The following TAX1BP1 variants were observed in gnomAD, a reference collection of about 807,000 sequenced individuals.
The protein encoded by TAX1BP1 is Tax1 binding protein 1.
In TAX1BP1, 62 loss-of-function variants were observed where a neutral mutation model predicts 97.7. That is an observed-to-expected ratio of 0.63 (90% CI 0.52 to 0.78). TAX1BP1 has a LOEUF of 0.78. Ranked by LOEUF, TAX1BP1 falls within the 30% of genes least tolerant of loss-of-function variation. TAX1BP1 has a pLI of 0.00. For synonymous variants in TAX1BP1, 340 were observed against 304.2 expected, an observed-to-expected ratio of 1.12 and a Z score of -1.23; for missense variants, 867 against 916.1, an observed-to-expected ratio of 0.95 and a Z score of 0.69.
In TAX1BP1 at chr7:27,819,235, T is replaced by C. The variant is rs549940635; in HGVS notation, c.2085+2197T>C. Among the ~76,000 whole-genome samples the C allele has an allele frequency of 5.9e-5, 9 of 151,516 alleles. No individual in the cohort carries two copies. The South Asian group carries it at 1.9e-3, about 31-fold the overall frequency. On this transcript the variant is annotated intron_variant, in intron 15 of 16. Transcript: ENST00000396319. Reference sequence around the variant, plus strand: ...GTAAGGACTTGCTGACCGTTAAGTATTTGTCTTCTAACAAATTTAGTGACC... The same window carrying C: ...GTAAGGACTTGCTGACCGTTAAGTACTTGTCTTCTAACAAATTTAGTGACC...
At chr7:27,746,050 C>T (rs1787803089) in intron 1 of TAX1BP1, among the ~76,000 whole-genome samples, 1 of 151,964 alleles carries the variant, frequency 6.6e-6, no homozygotes, top group Admixed American at 6.6e-5. Context: ...TTGAGGTTAA[C>T]AGAAGTTGAA....
At chr7:27,791,884 T>A (rs73075307) in intron 8 of TAX1BP1, 122 bp from the exon 9 acceptor site, 75,578 of 811,590 alleles carry the variant, frequency 0.093, 4,413 homozygotes, top group Middle Eastern at 0.13. Context: ...ACTCTGTAAG[T>A]CATGAGTAGA....
intron 1 of TAX1BP1, among the ~76,000 whole-genome samples, chr7:27,743,507 G>A (rs573881052): frequency 1.1e-4 from 17 of 152,274 alleles, no homozygotes; most frequent in African/African-American, 4.1e-4. Context: ...GGTACAAAGC[G>A]TTCATATTCT....
At chr7:27,778,405 G>A (rs942849031) in intron 5 of TAX1BP1, among the ~76,000 whole-genome samples, 2 of 151,928 alleles carry the variant, frequency 1.3e-5, no homozygotes, top group Admixed American at 6.6e-5. Flanking sequence ...TTTATATTAC[G>A]TAGTTTAACA....
chr7:27,818,882 G>T (rs904904339), intron 15 of TAX1BP1, among the ~76,000 whole-genome samples: 3 of 152,174 alleles, frequency 2.0e-5, no homozygotes, highest in African/African-American at 7.2e-5. Context: ...CTTAGCTGCT[G>T]TGGGTAGAGA....
In TAX1BP1 at chr7:27,828,679, C is replaced by T. The variant is rs779689532; in HGVS notation, c.2220C>T (p.Asn740=). The T allele has an allele frequency of 6.2e-7, 1 of 1,614,004 alleles. No individual in the cohort carries two copies. The highest frequency in any genetic ancestry group is 2.2e-5 in the East Asian group (1 of 44,876). ...CPLCELMFPP[N]YDQSKFEEHV... ...TCTGTGAGTTAATGTTTCCTCCTAA[C>T]TATGATCAGAGCAAATTTGAAGAAC... is the stretch of plus-strand genomic sequence containing the variant. Residue 740 remains asparagine, a synonymous_variant, in exon 17 of 17, where the codon AAC becomes AAT. Transcript: ENST00000396319.
intron 13 of TAX1BP1, among the ~76,000 whole-genome samples, chr7:27,808,531 A>C (rs1013009707): frequency 6.6e-6 from 1 of 152,092 alleles, no homozygotes. Context: ...TAGTTGTCCT[A>C]TGGTGTACTC....
At chr7:27,782,984 G>A (rs1176885762) in intron 5 of TAX1BP1, among the ~76,000 whole-genome samples, 2 of 152,066 alleles carry the variant, frequency 1.3e-5, no homozygotes, top group Admixed American at 6.5e-5. Flanking sequence ...TCTTTTTATC[G>A]GGTTATTCAT....
chr7:27,795,822 A>G (rs906426209), intron 11 of TAX1BP1, among the ~76,000 whole-genome samples: 3 of 152,208 alleles, frequency 2.0e-5, no homozygotes, highest in Admixed American at 2.0e-4. Flanking sequence ...AAGTGCTGGG[A>G]TTACAGGCAT....
chr7:27,765,304 G>GCC (rs1424449770), intron 3 of TAX1BP1, among the ~76,000 whole-genome samples: 2 of 151,904 alleles, frequency 1.3e-5, no homozygotes, highest in Admixed American at 1.3e-4. Context: ...ACAGGCATGA[G>GCC]CCACCGCACT....
chr7:27,803,088 G>T (rs1302558752), intron 13 of TAX1BP1: 3 of 1,535,742 alleles, frequency 2.0e-6, no homozygotes, highest in Middle Eastern at 1.7e-4. Flanking sequence ...AAAAAATAAA[G>T]AAATTTCTTT....
In TAX1BP1 at chr7:27,758,049, C is replaced by T. The variant is rs778743083; in HGVS notation, c.181C>T (p.Arg61Cys). 7.3e-5 allele frequency: 118 copies of T among 1,610,840 alleles called. No homozygotes were observed. The highest frequency in any genetic ancestry group is 8.8e-5 in the Non-Finnish European group (104 of 1,178,602). ...CCTTTAGGTTGGATGGAGTACTGCT[C>T]GTGATTATTACACGTTTTTATGGTC... Reference protein sequence around the residue: ...GIFKVGWSTARDYYTFLWSPM... With the variant: ...GIFKVGWSTACDYYTFLWSPM... Residue 61 changes from arginine (R) to cysteine (C), a missense_variant, in exon 3 of 17, where the codon CGT becomes TGT. Arg to Cys is a radical substitution (Grantham distance 180). Around this residue, in one of 3 missense-constraint regions of TAX1BP1, gnomAD observed 822 missense variants for 851.4 expected, o/e 0.97. Coordinates refer to ENST00000396319, the MANE Select transcript of TAX1BP1 (RefSeq NM_006024.7).
intron 4 of TAX1BP1, 74 bp from the exon 5 acceptor site, chr7:27,769,602 G>T: frequency 1.6e-6 from 2 of 1,272,128 alleles, no homozygotes; most frequent in South Asian, 1.5e-5. Context: ...TTTTGGAAAT[G>T]GAAAACTAAA....
chr7:27,746,278 T>C (rs2128306650), intron 1 of TAX1BP1, among the ~76,000 whole-genome samples: 1 of 152,240 alleles, frequency 6.6e-6, no homozygotes, highest in East Asian at 1.9e-4. Context: ...AAAAATATTA[T>C]TCTCTTAATT....
rs953045937 is a variant in TAX1BP1, at chr7:27,828,966, T to C, written c.*137T>C. On this transcript the variant is annotated 3_prime_UTR_variant, in exon 17 of 17. Coordinates refer to ENST00000396319, the MANE Select transcript of TAX1BP1 (RefSeq NM_006024.7). The stretch of plus-strand genomic sequence containing the variant: ...CTGCACTTTCTGACCAGGAGCTACT[T>C]TGAGTTTGGTGTTACTAGGATCAGG... 4.4e-5 allele frequency: 28 copies of C among 637,372 alleles called. No individual in the cohort carries two copies. The highest frequency in any genetic ancestry group is 4.2e-4 in the African/African-American group (23 of 54,304). The allele number at this position is 637,372 out of a possible 1,614,324, so 39.5% of individuals were successfully genotyped here. A position where few individuals can be genotyped will look rare whatever the true frequency, so the allele number is the denominator to read the frequency against.
chr7:27,827,935 A>G (rs1791249947), intron 16 of TAX1BP1, 115 bp downstream of exon 16: 2 of 798,744 alleles, frequency 2.5e-6, no homozygotes, highest in African/African-American at 1.7e-5. Flanking sequence ...TAGCTGAACC[A>G]GAAACACCAG....
chr7:27,744,847 C>A (rs1562693273), intron 1 of TAX1BP1, among the ~76,000 whole-genome samples: 1 of 151,982 alleles, frequency 6.6e-6, no homozygotes, highest in African/African-American at 2.4e-5. Context: ...TTTTTATAGA[C>A]ATTAATGCAT....
Position 27,785,284 on chromosome 7 carries a change from C to G in TAX1BP1, c.734C>G (p.Ala245Gly). The change falls in exon 6 of 17, where the codon GCA (alanine) becomes GGA (glycine). Residue 245 changes from alanine (A) to glycine (G), a missense_variant. Physicochemically the swap from Ala to Gly is moderately conservative, Grantham distance 60 (BLOSUM62 0). Transcript: ENST00000396319. ...GATATTGTGTCAGTAACACATAAAG[C>G]AATTGAAAAAGAAACCGAATTAGAC... is the stretch of plus-strand genomic sequence containing the variant. The part of the protein sequence containing the change: ...EEDIVSVTHK[A>G]IEKETELDSL... 1.2e-6 allele frequency: 2 copies of G among 1,610,172 alleles called. No individual in the cohort carries two copies. The highest frequency in any genetic ancestry group is 1.7e-6 in the Non-Finnish European group (2 of 1,178,774).
intron 15 of TAX1BP1, among the ~76,000 whole-genome samples, chr7:27,818,707 A>G (rs758477353): frequency 1.3e-5 from 2 of 152,180 alleles, no homozygotes; most frequent in Non-Finnish European, 2.9e-5. Context: ...CATAATTATG[A>G]CAGCAGCAAA....
Sources: gnomAD v4.1 joint callset for allele counts (sites outside exome capture counted in the v4.1 genomes callset) on GRCh38, gnomAD v4.1.1 for gene constraint, gnomAD v4.1.1 regional missense constraint, MANE v1.5 for transcripts, NCBI Gene and HGNC (gene_info 2026-07-23, HGNC 2026-07-21) for gene names.